The following NTRK1 variants were observed in gnomAD, a reference collection of about 807,000 sequenced individuals.
NTRK1 encodes high affinity nerve growth factor receptor.
A neutral mutation model predicts 86.8 loss-of-function variants in NTRK1; 62 were observed. The ratio of observed to expected loss-of-function variants is 0.71; its 90% CI spans 0.58 to 0.88. NTRK1 has a LOEUF of 0.88. Ranked by LOEUF, NTRK1 falls within the 40% of genes least tolerant of loss-of-function variation. The pLI is 0.00. For synonymous variants in NTRK1, 469 were observed against 456.6 expected (o/e 1.03, Z -0.35); for missense variants, 967 against 1,078.4 (o/e 0.90, Z 1.45).
chr1:156,841,330 G>C, intron 1 of NTRK1: 1 of 1,509,336 alleles, frequency 6.6e-7, no homozygotes, highest in Non-Finnish European at 9.2e-7. Flanking sequence ...CAGAATCATG[G>C]GGCCGGGTGG....
chr1:156,843,448 C>T, intron 2 of NTRK1: 1 of 1,614,234 alleles, frequency 6.2e-7, no homozygotes, highest in Non-Finnish European at 8.5e-7. Context: ...CTGAAGTACT[C>T]TGGATTCACA....
chr1:156,844,344 TTC>T (rs2102856419), intron 2 of NTRK1: 1 of 1,561,566 alleles, frequency 6.4e-7, no homozygotes, highest in Admixed American at 1.7e-5. Context: ...AAGGTCATGC[TTC>T]TCTTTCCATG....
At chr1:156,860,005 C>G (rs569041798), upstream of NTRK1, among the ~76,000 whole-genome samples, 1 of 152,348 alleles carries the variant, frequency 6.6e-6, no homozygotes, top group African/African-American at 2.4e-5. Flanking sequence ...GCTCCACCCG[C>G]GGGCGGCTCC....
At chr1:156,836,505 G>A (rs551716904) in intron 1 of NTRK1, among the ~76,000 whole-genome samples, 1 of 152,320 alleles carries the variant, frequency 6.6e-6, no homozygotes, top group African/African-American at 2.4e-5. Flanking sequence ...GGACAGGGTA[G>A]GGAGAGAGGC....
At chr1:156,849,346 G>A in intron 2 of NTRK1, 3 of 1,614,034 alleles carry the variant, frequency 1.9e-6, no homozygotes, top group Non-Finnish European at 2.5e-6. Context: ...GTTCCAAGCA[G>A]AGGCGCGGGT....
chr1:156,869,297 C>T (rs1647404791), intron 6 of NTRK1, among the ~76,000 whole-genome samples: 2 of 152,112 alleles, frequency 1.3e-5, no homozygotes, highest in Non-Finnish European at 2.9e-5. Context: ...CCACGCTGGT[C>T]TCAAACTCCT....
chr1:156,817,607 T>A (rs531567513), intron 1 of NTRK1, among the ~76,000 whole-genome samples: 1 of 151,250 alleles, frequency 6.6e-6, no homozygotes, highest in African/African-American at 2.4e-5. Flanking sequence ...ATCAACACTA[T>A]CAGCAGTTGT....
intron 1 of NTRK1, 109 bp from the exon 2 acceptor site, chr1:156,864,245 A>G: frequency 1.0e-6 from 1 of 996,782 alleles, no homozygotes; most frequent in Non-Finnish European, 1.6e-6. Flanking sequence ...ACAGGTGCAT[A>G]TGCGTGTGCA....
intron 2 of NTRK1, chr1:156,846,693 G>T: frequency 6.2e-7 from 1 of 1,614,166 alleles, no homozygotes; most frequent in Admixed American, 1.7e-5. Context: ...TCCACATCCA[G>T]CAGGTTCCAG....
intron 1 of NTRK1, among the ~76,000 whole-genome samples, chr1:156,838,812 C>T (rs1654664761): frequency 6.6e-6 from 1 of 152,376 alleles, no homozygotes; most frequent in South Asian, 2.1e-4. Flanking sequence ...TCTTCCACAT[C>T]CAGACAATCG....
intron 2 of NTRK1, chr1:156,852,159 C>G: frequency 6.2e-7 from 1 of 1,606,596 alleles, no homozygotes; most frequent in East Asian, 2.2e-5. Flanking sequence ...TCGCCCCTCG[C>G]TGTGCAAGCC....
intron 1 of NTRK1, among the ~76,000 whole-genome samples, chr1:156,829,258 T>C (rs2102840349): frequency 6.6e-6 from 1 of 152,086 alleles, no homozygotes; most frequent in Middle Eastern, 3.4e-3. Flanking sequence ...CCATTCAAGG[T>C]CTAGGGAGAG....
chr1:156,855,115 C>G (rs1450122892), intron 2 of NTRK1, among the ~76,000 whole-genome samples: 1 of 152,114 alleles, frequency 6.6e-6, no homozygotes, highest in East Asian at 1.9e-4. Context: ...ATGGCTTGCC[C>G]ACCTCCTTAA....
intron 1 of NTRK1, among the ~76,000 whole-genome samples, chr1:156,833,564 T>A (rs3889455): frequency 0.77 from 116,005 of 151,382 alleles, 44,598 homozygotes; most frequent in East Asian, 0.85. Context: ...TCTCAAAAAA[T>A]AAACAAAAAA....
intron 1 of NTRK1, among the ~76,000 whole-genome samples, chr1:156,816,411 C>T (rs1041497114): frequency 1.1e-4 from 16 of 152,228 alleles, no homozygotes; most frequent in African/African-American, 3.9e-4. Context: ...CCAGGATCTT[C>T]TGCCTCCTTC....
chr1:156,852,090 C>G (rs763494025), intron 2 of NTRK1: 1 of 1,613,736 alleles, frequency 6.2e-7, no homozygotes. Context: ...CGGCAAGCTA[C>G]ACAGGCACGA....
chr1:156,869,458 G>C (rs1444980835), intron 6 of NTRK1, among the ~76,000 whole-genome samples: 1 of 152,110 alleles, frequency 6.6e-6, no homozygotes, highest in Non-Finnish European at 1.5e-5. Context: ...TGAGTTCTCG[G>C]GGGTATCGTG....
chr1:156,877,064 C>T (rs2102921049), intron 14 of NTRK1, among the ~76,000 whole-genome samples: 1 of 152,290 alleles, frequency 6.6e-6, no homozygotes, highest in South Asian at 2.1e-4. Flanking sequence ...GTTGCCTAGG[C>T]TGGAGTGCAA....
chr1:156,868,385 T>C (rs1229472218), intron 5 of NTRK1, 120 bp from the exon 6 acceptor site: 1 of 1,532,264 alleles, frequency 6.5e-7, no homozygotes. Context: ...CTGCCTGGGG[T>C]GACATCGCCT....
Sources: gnomAD v4.1 joint callset for allele counts (sites outside exome capture counted in the v4.1 genomes callset) on GRCh38, gnomAD v4.1.1 for gene constraint, MANE v1.5 for transcripts, NCBI Gene and HGNC (gene_info 2026-07-23, HGNC 2026-07-21) for gene names.